Variants in HPSE2 observed in about 807,000 individuals in gnomAD.
HPSE2 encodes inactive heparanase-2.
HPSE2 carries 38 observed loss-of-function variants against 60.5 expected under a neutral mutation model. The observed-to-expected ratio is 0.63, with a 90% CI of 0.48 to 0.82. The LOEUF (loss-of-function observed/expected upper bound fraction) is 0.82, where lower values mean the gene tolerates loss of function less well. Ranked by LOEUF, HPSE2 falls within the 40% of genes least tolerant of loss-of-function variation. The pLI is 0.00. For synonymous variants in HPSE2, 295 were observed against 293.2 expected, an observed-to-expected ratio of 1.01 and a Z score of -0.06; for missense variants, 713 against 740.4, an observed-to-expected ratio of 0.96 and a Z score of 0.43.
intron 3 of HPSE2, among the ~76,000 whole-genome samples, chr10:99,108,698 T>C (rs1314639392): frequency 6.6e-6 from 1 of 152,232 alleles, no homozygotes. Context: ...GTTTATACTG[T>C]AGCCTTAGTC....
intron 2 of HPSE2, among the ~76,000 whole-genome samples, chr10:99,171,018 C>T (rs1847288191): frequency 6.6e-6 from 1 of 152,098 alleles, no homozygotes; most frequent in South Asian, 2.1e-4. Context: ...TATGCAAATA[C>T]TACCTTTTAT....
chr10:98,713,387 G>A (rs1222253994), intron 5 of HPSE2, among the ~76,000 whole-genome samples: 4 of 151,960 alleles, frequency 2.6e-5, no homozygotes, highest in African/African-American at 4.8e-5. Context: ...CGCAAGCAGA[G>A]TAGTAATGAG....
At chr10:98,680,815 G>GC (rs1947765969) in intron 6 of HPSE2, among the ~76,000 whole-genome samples, 1 of 152,072 alleles carries the variant, frequency 6.6e-6, no homozygotes, top group Non-Finnish European at 1.5e-5. Flanking sequence ...GAGATCAGAG[G>GC]CATGATCTCG....
intron 5 of HPSE2, among the ~76,000 whole-genome samples, chr10:98,706,637 A>G (rs1948554794): frequency 6.6e-6 from 1 of 152,196 alleles, no homozygotes; most frequent in Admixed American, 6.5e-5. Context: ...AATGTTGAAT[A>G]TGAGATTGAA....
chr10:99,044,078 A>T (rs184911594), intron 3 of HPSE2, among the ~76,000 whole-genome samples: 1 of 152,256 alleles, frequency 6.6e-6, no homozygotes, highest in African/African-American at 2.4e-5. Flanking sequence ...TTCACTACAA[A>T]ATAAAAAATC....
At chr10:99,095,374 T>C (rs182493205) in intron 3 of HPSE2, among the ~76,000 whole-genome samples, 39 of 152,334 alleles carry the variant, frequency 2.6e-4, no homozygotes, top group Non-Finnish European at 5.3e-4. Flanking sequence ...TTTTTTGTAT[T>C]TACCTGGTGA....
chr10:98,792,688 A>G (rs1056186624), intron 3 of HPSE2, among the ~76,000 whole-genome samples: 1 of 151,336 alleles, frequency 6.6e-6, no homozygotes, highest in Non-Finnish European at 1.5e-5. Context: ...CCTGCCACCC[A>G]GGGGTCAGAG....
chr10:98,723,044 G>T (rs535458342), intron 4 of HPSE2, among the ~76,000 whole-genome samples: 1 of 152,164 alleles, frequency 6.6e-6, no homozygotes, highest in South Asian at 2.1e-4. Flanking sequence ...TCTTGTGCCA[G>T]TTTTCAAAGG....
chr10:98,631,186 C>A (rs547193557), intron 7 of HPSE2, among the ~76,000 whole-genome samples: 9 of 152,264 alleles, frequency 5.9e-5, no homozygotes, highest in African/African-American at 2.2e-4. Context: ...GTTTCTGTGA[C>A]ATTTTTAGGA....
chr10:99,235,422 T>A, intron 1 of HPSE2, 91 bp downstream of exon 1: 1 of 1,220,992 alleles, frequency 8.2e-7, no homozygotes, highest in Non-Finnish European at 1.2e-6. Context: ...TTGGCTTATT[T>A]TCTTCTTTCC....
intron 2 of HPSE2, among the ~76,000 whole-genome samples, chr10:99,155,909 A>G (rs1400456453): frequency 6.6e-6 from 1 of 151,944 alleles, no homozygotes; most frequent in Non-Finnish European, 1.5e-5. Flanking sequence ...AAAAAATGAT[A>G]AAGGGGATAT....
chr10:98,802,759 T>C (rs1265862453), intron 3 of HPSE2, among the ~76,000 whole-genome samples: 4 of 145,418 alleles, frequency 2.8e-5, no homozygotes, highest in Non-Finnish European at 6.0e-5. Context: ...TTTGCTATTG[T>C]GAATAGTGCC....
intron 5 of HPSE2, among the ~76,000 whole-genome samples, chr10:98,702,453 AAGTGGCCCTAAT>A (rs74194183): frequency 0.5 from 75,247 of 151,718 alleles, 20,915 homozygotes; most frequent in South Asian, 0.74. Flanking sequence ...GCTCTGGATC[AAGTGGCCCTAAT>A]AGACATCTAC....
chr10:98,835,485 G>C (rs1014075945), intron 3 of HPSE2, among the ~76,000 whole-genome samples: 3 of 152,138 alleles, frequency 2.0e-5, no homozygotes, highest in Non-Finnish European at 2.9e-5. Flanking sequence ...TGGAGGTAGG[G>C]AGAGGGTTAA....
At chr10:99,254,600 T>C in the HPSE2 span, among the ~76,000 whole-genome samples, 1 of 152,144 alleles carries the variant, frequency 6.6e-6, no homozygotes, top group Non-Finnish European at 1.5e-5. Flanking sequence ...TGTGATTAGG[T>C]GTAATTTAAT....
At chr10:99,243,469 C>T in the HPSE2 span, among the ~76,000 whole-genome samples, 1 of 152,074 alleles carries the variant, frequency 6.6e-6, no homozygotes, top group Non-Finnish European at 1.5e-5. Flanking sequence ...ATACCAAGAA[C>T]TTTTAATATC....
intron 11 of HPSE2, among the ~76,000 whole-genome samples, chr10:98,462,074 T>C (rs1186203760): frequency 2.0e-5 from 3 of 152,256 alleles, no homozygotes; most frequent in Non-Finnish European, 4.4e-5. Flanking sequence ...AAGAACGTTA[T>C]ATAGGCACCA....
At chr10:98,969,272 C>A (rs1381816420) in intron 3 of HPSE2, among the ~76,000 whole-genome samples, 1 of 152,126 alleles carries the variant, frequency 6.6e-6, no homozygotes, top group African/African-American at 2.4e-5. Context: ...TGGGAAACTA[C>A]ATAAAGTCAA....
At chr10:98,721,042 A>G (rs1948909588) in intron 5 of HPSE2, among the ~76,000 whole-genome samples, 2 of 152,166 alleles carry the variant, frequency 1.3e-5, no homozygotes, top group African/African-American at 4.8e-5. Context: ...TTTAGTACAT[A>G]CACATTAAGA....
Sources: allele counts gnomAD v4.1 joint callset (sites outside exome capture counted in the v4.1 genomes callset), GRCh38; gene constraint gnomAD v4.1.1; transcripts MANE v1.5; gene names NCBI Gene and HGNC (gene_info 2026-07-23, HGNC 2026-07-21).